Variants in THEMIS observed in about 807,000 individuals in gnomAD.
The protein encoded by THEMIS is thymocyte selection associated.
THEMIS carries 37 observed loss-of-function variants against 52.6 expected under a neutral mutation model. The observed-to-expected ratio is 0.70, with a 90% CI of 0.54 to 0.93. THEMIS has a LOEUF of 0.93. THEMIS is among the 40% of genes least tolerant of loss of function. The probability of loss-of-function intolerance (pLI) is 0.00; values close to 1 mark genes in which losing one functional copy is unlikely to be tolerated. For synonymous variants in THEMIS, 292 were observed against 272.7 expected, an observed-to-expected ratio of 1.07 and a Z score of -0.70; for missense variants, 808 against 763.1, an observed-to-expected ratio of 1.06 and a Z score of -0.69.
chr6:127,901,233 C>T (rs763623695), upstream of THEMIS, among the ~76,000 whole-genome samples: 9 of 152,054 alleles, frequency 5.9e-5, no homozygotes, highest in South Asian at 2.1e-4. Flanking sequence ...AAAAATGAGA[C>T]GTGCTAAGTA....
chr6:127,784,346 G>T (rs2114493600), intron 4 of THEMIS, among the ~76,000 whole-genome samples: 1 of 152,082 alleles, frequency 6.6e-6, no homozygotes, highest in Middle Eastern at 3.4e-3. Context: ...TAACAAACCT[G>T]CATGTTTTGC....
chr6:127,840,556 A>G (rs944271748), intron 2 of THEMIS, among the ~76,000 whole-genome samples: 1 of 152,122 alleles, frequency 6.6e-6, no homozygotes, highest in Admixed American at 6.6e-5. Context: ...CTAATTTTCT[A>G]CAACATGCAT....
chr6:127,905,757 G>A (rs1250441244), upstream of THEMIS, among the ~76,000 whole-genome samples: 1 of 151,804 alleles, frequency 6.6e-6, no homozygotes, highest in Non-Finnish European at 1.5e-5. Flanking sequence ...TTGCAAAAGT[G>A]ATGTTTAATA....
chr6:127,895,769 T>C (rs538189219), intron 1 of THEMIS, among the ~76,000 whole-genome samples: 2 of 151,582 alleles, frequency 1.3e-5, no homozygotes, highest in South Asian at 2.1e-4. Context: ...GAGGCCTTCA[T>C]TGAAAATTCT....
chr6:127,769,765 G>A (rs1274682424), intron 4 of THEMIS, among the ~76,000 whole-genome samples: 3 of 151,972 alleles, frequency 2.0e-5, no homozygotes, highest in Non-Finnish European at 4.4e-5. Flanking sequence ...TTCTCCTGAC[G>A]CTACCCCTCC....
intron 4 of THEMIS, among the ~76,000 whole-genome samples, chr6:127,730,369 G>A (rs983601449): frequency 9.3e-5 from 13 of 139,874 alleles, no homozygotes; most frequent in Admixed American, 7.4e-5. Context: ...GAGAAGACAA[G>A]AGAAGAGAAA....
chr6:127,818,648 A>G (rs1778218331), intron 3 of THEMIS, among the ~76,000 whole-genome samples: 1 of 152,088 alleles, frequency 6.6e-6, no homozygotes, highest in Admixed American at 6.6e-5. Context: ...AGACAAATCA[A>G]GCATCAAAGC....
chr6:127,839,990 T>A (rs924913201), intron 2 of THEMIS, among the ~76,000 whole-genome samples: 2 of 152,086 alleles, frequency 1.3e-5, no homozygotes, highest in Admixed American at 1.3e-4. Flanking sequence ...AGGTGAATGT[T>A]GTTATGTGGA....
chr6:127,769,353 T>G (rs1267805050), intron 4 of THEMIS, among the ~76,000 whole-genome samples: 2 of 105,058 alleles, frequency 1.9e-5, no homozygotes, highest in Admixed American at 8.5e-5. Flanking sequence ...TTTTTTTTTG[T>G]TTTTTTTTTT....
At chr6:127,812,679 T>C (rs1583304563) in intron 4 of THEMIS, among the ~76,000 whole-genome samples, 1 of 152,176 alleles carries the variant, frequency 6.6e-6, no homozygotes, top group East Asian at 1.9e-4. Flanking sequence ...AATTCAATAT[T>C]AAACTTCATG....
chr6:127,820,803 C>T (rs1485188141), intron 3 of THEMIS, among the ~76,000 whole-genome samples: 6 of 151,326 alleles, frequency 4.0e-5, no homozygotes, highest in Non-Finnish European at 7.4e-5. Context: ...TTTTTTTATA[C>T]TATTCTGTTG....
At position 127,710,013 on chromosome 6, in the gene THEMIS, G is replaced by A. The variant is rs766431462; in HGVS notation, c.1898C>T (p.Thr633Ile). The A allele has an allele frequency of 6.4e-7, 1 of 1,569,750 alleles. No individual in the cohort carries two copies. The highest frequency in any genetic ancestry group is 8.7e-7 in the Non-Finnish European group (1 of 1,154,626). Reference protein sequence around the residue: ...SNRGATAIAETFKNEKHQK With the variant: ...SNRGATAIAEIFKNEKHQK Reference sequence around the variant, plus strand: ...TTTTTGATGTTTTTCATTTTTGAATGTTTCTATAAATAAAAAAAGAAGGGT... The same window carrying A: ...TTTTTGATGTTTTTCATTTTTGAATATTTCTATAAATAAAAAAAGAAGGGT... The change falls in exon 6 of 6, where the codon ACA becomes ATA. Residue 633 changes from threonine to isoleucine, a missense_variant. Physicochemically the swap from Thr to Ile is moderately conservative, Grantham distance 89. Coordinates refer to ENST00000368248, the MANE Select transcript of THEMIS (RefSeq NM_001010923.3).
intron 1 of THEMIS, among the ~76,000 whole-genome samples, chr6:127,899,903 T>TTA (rs111727278): frequency 0.06 from 8,660 of 144,426 alleles, 708 homozygotes; most frequent in African/African-American, 0.19. Context: ...TGTGTATATT[T>TTA]TATATATATA....
chr6:127,736,674 C>T (rs528977324), intron 4 of THEMIS, among the ~76,000 whole-genome samples: 1 of 152,040 alleles, frequency 6.6e-6, no homozygotes, highest in South Asian at 2.1e-4. Context: ...AGGCTAAAGA[C>T]TCATCATTTT....
At chr6:127,838,027 G>A (rs1778928304) in intron 2 of THEMIS, among the ~76,000 whole-genome samples, 1 of 152,064 alleles carries the variant, frequency 6.6e-6, no homozygotes, top group Non-Finnish European at 1.5e-5. Context: ...ACAAGTGGAA[G>A]CACTGAGTTA....
intron 4 of THEMIS, among the ~76,000 whole-genome samples, chr6:127,736,067 G>A (rs1354906301): frequency 6.6e-6 from 1 of 152,166 alleles, no homozygotes; most frequent in Non-Finnish European, 1.5e-5. Context: ...CGGATTTTGT[G>A]CTTGGTGAAT....
upstream of THEMIS, among the ~76,000 whole-genome samples, chr6:127,901,448 T>C (rs1335458800): frequency 6.6e-6 from 1 of 152,096 alleles, no homozygotes; most frequent in East Asian, 1.9e-4. Flanking sequence ...TGTCAGTGCC[T>C]TTACATTAAA....
chr6:127,712,112 C>A (rs960778821), intron 5 of THEMIS, among the ~76,000 whole-genome samples: 1 of 151,936 alleles, frequency 6.6e-6, no homozygotes, highest in African/African-American at 2.4e-5. Context: ...TTTGAAAGTT[C>A]AATCTGTCAT....
intron 4 of THEMIS, among the ~76,000 whole-genome samples, chr6:127,742,643 A>G (rs1775248620): frequency 6.6e-6 from 1 of 152,216 alleles, no homozygotes; most frequent in Admixed American, 6.5e-5. Context: ...TAAAGACATT[A>G]TAGTAAGTGA....
Sources: gnomAD v4.1 joint callset for allele counts (sites outside exome capture counted in the v4.1 genomes callset) on GRCh38, gnomAD v4.1.1 for gene constraint, MANE v1.5 for transcripts, NCBI Gene and HGNC (gene_info 2026-07-23, HGNC 2026-07-21) for gene names.